COBL: variants seen among roughly 807,000 people sequenced by gnomAD.
COBL encodes protein cordon-bleu.
A neutral mutation model predicts 98.8 loss-of-function variants in COBL; 51 were observed. That is an observed-to-expected ratio of 0.52 (90% CI 0.41 to 0.65). The LOEUF (loss-of-function observed/expected upper bound fraction) is 0.65, where lower values mean the gene tolerates loss of function less well. Among genes scored for constraint, COBL ranks in the 30% least tolerant of loss-of-function variants. COBL has a pLI of 0.00. For synonymous variants in COBL, 634 were observed against 651.7 expected (o/e 0.97, Z 0.41); for missense variants, 1,617 against 1,617.5 (o/e 1.00, Z 0.01).
intron 2 of COBL, among the ~76,000 whole-genome samples, chr7:51,207,478 G>T (rs987988177): frequency 6.6e-5 from 10 of 152,056 alleles, no homozygotes; most frequent in Non-Finnish European, 1.5e-4. Flanking sequence ...CTCTGATGCC[G>T]AGCCGAAGCA....
intron 6 of COBL, among the ~76,000 whole-genome samples, chr7:51,122,510 T>G (rs1016939105): frequency 6.6e-6 from 1 of 152,264 alleles, no homozygotes; most frequent in Non-Finnish European, 1.5e-5. Context: ...TTAGAAAGGT[T>G]GTTTTGTACC....
rs915856958 is a variant in COBL, at chr7:51,077,805, G to T, written c.1096+7361C>A. On this transcript the variant is annotated intron_variant, in intron 7 of 12. Transcript: ENST00000265136. ...AAAGCAGAAAATGAGAAGTGTAGGT[G>T]GAGGCTAGATTTGAAGTGGCCAGTT... Among the ~76,000 whole-genome samples the T allele has an allele frequency of 7.9e-5, 12 of 151,838 alleles. No homozygotes were observed. The East Asian group carries it at 2.1e-3, about 27-fold the overall frequency.
chr7:51,092,978 A>G (rs537415659), intron 6 of COBL, among the ~76,000 whole-genome samples: 2 of 152,298 alleles, frequency 1.3e-5, no homozygotes, highest in South Asian at 4.1e-4. Context: ...TTCAGTGTAC[A>G]GATCTTTCAC....
At chr7:51,021,210 T>C (rs964298925) in intron 12 of COBL, 4 of 152,220 alleles carry the variant, frequency 2.6e-5, no homozygotes, top group African/African-American at 4.8e-5. Context: ...AAACTCTACA[T>C]CTACTGAGAA....
intron 1 of COBL, among the ~76,000 whole-genome samples, chr7:51,275,698 T>C (rs1278062018): frequency 6.6e-6 from 1 of 151,972 alleles, no homozygotes; most frequent in Non-Finnish European, 1.5e-5. Flanking sequence ...TGACTGCTCT[T>C]GTGAGCTCCG....
At chr7:51,281,332 T>C (rs1264680331) in intron 1 of COBL, among the ~76,000 whole-genome samples, 1 of 152,124 alleles carries the variant, frequency 6.6e-6, no homozygotes, top group Non-Finnish European at 1.5e-5. Context: ...TTCATGTCAA[T>C]GGGATCCTAG....
intron 6 of COBL, among the ~76,000 whole-genome samples, chr7:51,109,492 G>C (rs1381394875): frequency 6.6e-6 from 1 of 152,024 alleles, no homozygotes; most frequent in Non-Finnish European, 1.5e-5. Flanking sequence ...TGCTGTGACA[G>C]TCCTAAAATC....
rs542186055 is a variant in COBL at position 51,310,724 on chromosome 7, A to G, written c.41+5869T>C. ...TCATCAGGTGGAGTGCAGTGGCACAATCTCGGCTCACTGTAACCTCTGCCT... is the reference window on the plus strand; with the variant it reads ...TCATCAGGTGGAGTGCAGTGGCACAGTCTCGGCTCACTGTAACCTCTGCCT... On this transcript the variant is annotated intron_variant, in intron 1 of 12. Transcript: ENST00000265136. 1.8e-4 allele frequency among the ~76,000 whole-genome samples: 27 copies of G among 152,300 alleles called. No individual in the cohort carries two copies. The East Asian group carries it at 5.2e-3, about 29-fold the overall frequency.
rs778921084 is a variant in COBL at position 51,025,337 on chromosome 7, G to A, written c.3540C>T (p.Phe1180=). The A allele has an allele frequency of 8.1e-6, 13 of 1,613,332 alleles. No homozygotes were observed. The change falls in exon 12 of 13, where the codon TTC becomes TTT. Residue 1180 remains phenylalanine (F), a synonymous_variant. Transcript: ENST00000265136. ...ASSASEELQS[F]RDAALSAQGS... is the part of the protein sequence containing the mutation. ...CCTGAGCAGAGAGTGCGGCATCTCGGAAGCTCTGGAGCTCCTCAGAAGCAG... is the reference window on the plus strand; with the variant it reads ...CCTGAGCAGAGAGTGCGGCATCTCGAAAGCTCTGGAGCTCCTCAGAAGCAG...
intron 1 of COBL, among the ~76,000 whole-genome samples, chr7:51,279,404 A>C (rs1044976849): frequency 6.6e-6 from 1 of 152,242 alleles, no homozygotes; most frequent in South Asian, 2.1e-4. Flanking sequence ...TGAAATTTTT[A>C]ACTATATTCA....
intron 7 of COBL, among the ~76,000 whole-genome samples, chr7:51,043,951 T>C (rs558867191): frequency 4.3e-4 from 65 of 152,314 alleles, no homozygotes; most frequent in Admixed American, 1.0e-3. Context: ...ATTGGTCTCC[T>C]CTCTATGGCT....
chr7:51,104,285 T>C (rs2128966657), intron 6 of COBL, among the ~76,000 whole-genome samples: 1 of 152,366 alleles, frequency 6.6e-6, no homozygotes, highest in African/African-American at 2.4e-5. Context: ...ATGATGATTA[T>C]ATGTAATTTC....
intron 1 of COBL, among the ~76,000 whole-genome samples, chr7:51,311,570 A>G (rs1327965945): frequency 1.3e-5 from 2 of 152,240 alleles, no homozygotes; most frequent in African/African-American, 4.8e-5. Context: ...CCAGCAAGAG[A>G]CAGATGAAAA....
At chr7:51,306,960 G>A (rs191993874) in intron 1 of COBL, among the ~76,000 whole-genome samples, 31 of 152,262 alleles carry the variant, frequency 2.0e-4, no homozygotes, top group African/African-American at 6.3e-4. Flanking sequence ...AATGAGCTCC[G>A]TGCTTCAATG....
intron 5 of COBL, among the ~76,000 whole-genome samples, chr7:51,150,974 C>G (rs182860058): frequency 1.4e-3 from 218 of 152,220 alleles, no homozygotes; most frequent in African/African-American, 4.4e-3. Context: ...ACCTGCCCCC[C>G]TCCCCGCCCC....
At chr7:51,117,964 T>G (rs1206258307) in intron 6 of COBL, among the ~76,000 whole-genome samples, 1 of 152,218 alleles carries the variant, frequency 6.6e-6, no homozygotes, top group Non-Finnish European at 1.5e-5. Flanking sequence ...GCTTGGTATC[T>G]GTCCTTTTCA....
At chr7:51,111,041 G>C (rs1796775967) in intron 6 of COBL, among the ~76,000 whole-genome samples, 1 of 152,180 alleles carries the variant, frequency 6.6e-6, no homozygotes, top group South Asian at 2.1e-4. Context: ...CTTTTCCTCT[G>C]GGTAGATGCC....
intron 5 of COBL, among the ~76,000 whole-genome samples, chr7:51,157,453 C>T (rs886984398): frequency 3.9e-5 from 6 of 152,198 alleles, no homozygotes; most frequent in African/African-American, 1.4e-4. Flanking sequence ...TTGGTGTCTT[C>T]TGAGGGCAGG....
At chr7:51,097,981 GC>G (rs1418670829) in intron 6 of COBL, among the ~76,000 whole-genome samples, 1 of 143,218 alleles carries the variant, frequency 7.0e-6, no homozygotes, top group African/African-American at 2.6e-5. Context: ...CCAAGATTGC[GC>G]CACTGCACTC....
Sources: allele counts gnomAD v4.1 joint callset (sites outside exome capture counted in the v4.1 genomes callset), GRCh38; gene constraint gnomAD v4.1.1; transcripts MANE v1.5; gene names NCBI Gene and HGNC (gene_info 2026-07-23, HGNC 2026-07-21).